The following TSPAN13 variants were observed in gnomAD, a reference collection of about 807,000 sequenced individuals.
The protein encoded by TSPAN13 is tetraspanin-13.
In TSPAN13, 18 loss-of-function variants were observed where a neutral mutation model predicts 26.9. The ratio of observed to expected loss-of-function variants is 0.67; its 90% CI spans 0.46 to 0.99. The LOEUF is 0.99. Ranked by LOEUF, TSPAN13 falls within the 50% of genes least tolerant of loss-of-function variation. The pLI, the probability that TSPAN13 is intolerant of heterozygous loss-of-function variation, is 0.00. For missense variants in TSPAN13, 201 were observed against 249.6 expected, an observed-to-expected ratio of 0.81 and a Z score of 1.31; for synonymous variants, 116 against 98.4, an observed-to-expected ratio of 1.18 and a Z score of -1.06.
At chr7:16,776,132 A>T in intron 1 of TSPAN13, 79 bp from the exon 2 acceptor site, 1 of 1,428,894 alleles carries the variant, frequency 7.0e-7, no homozygotes, top group Admixed American at 2.0e-5. Flanking sequence ...GATATTGTTG[A>T]TATTTAATTA....
chr7:16,777,971 G>T, intron 4 of TSPAN13, 60 bp downstream of exon 4: 1 of 1,253,748 alleles, frequency 8.0e-7, no homozygotes, highest in African/African-American at 1.5e-5. Flanking sequence ...AATGATTAAT[G>T]TGGAAGAAAT....
intron 1 of TSPAN13, among the ~76,000 whole-genome samples, chr7:16,756,799 C>T (rs1784485156): frequency 6.6e-6 from 1 of 152,136 alleles, no homozygotes; most frequent in African/African-American, 2.4e-5. Flanking sequence ...CTCAGAGCTT[C>T]CTGCATTTAA....
chr7:16,776,985 C>A, intron 2 of TSPAN13, 57 bp from the exon 3 acceptor site: 1 of 1,242,480 alleles, frequency 8.0e-7, no homozygotes, highest in Non-Finnish European at 1.2e-6. Flanking sequence ...ACCTCTGTAC[C>A]TCTGTTTTAT....
intron 1 of TSPAN13, among the ~76,000 whole-genome samples, chr7:16,754,355 CG>C (rs1784458092): frequency 6.6e-6 from 1 of 152,248 alleles, no homozygotes; most frequent in Non-Finnish European, 1.5e-5. Context: ...TTTCCCACCC[CG>C]TACCCTTCTG....
At chr7:16,760,667 A>G (rs1023494856) in intron 1 of TSPAN13, among the ~76,000 whole-genome samples, 1 of 152,146 alleles carries the variant, frequency 6.6e-6, no homozygotes, top group African/African-American at 2.4e-5. Context: ...CATTTCAAAC[A>G]TTAAGAGATT....
At chr7:16,754,209 T>C (rs1348260674) in intron 1 of TSPAN13, among the ~76,000 whole-genome samples, 179 bp downstream of exon 1, 2 of 152,176 alleles carry the variant, frequency 1.3e-5, no homozygotes, top group Non-Finnish European at 2.9e-5. Flanking sequence ...GCGCCGGCGC[T>C]TGTCGCAGTC....
rs1454939444 is a variant in TSPAN13, at chr7:16,777,911, T to C, written c.426T>C (p.Ala142=). Residue 142 remains alanine (A), a splice_region_variant and synonymous_variant, in exon 4 of 6, where the codon GCT becomes GCC. Transcript: ENST00000262067. ...RSVNPNDTCL[A]SCVKSDHSCS... ...TTAACCCAAATGACACCTGTCTGGC[T>C]GTAAGTACATTGTATAATATATGTT... 5 of 1,606,644 alleles carry C rather than the reference T, an allele frequency of 3.1e-6. No homozygotes were observed. The highest frequency in any genetic ancestry group is 4.3e-6 in the Non-Finnish European group (5 of 1,174,046).
rs765395796 is a variant in TSPAN13 at position 16,783,467 on chromosome 7, C to T, written c.591C>T (p.Arg197=). ...TYRYRNQKDP[R]ANPSAFL ...GATACAGGAACCAGAAAGACCCCCGCGCGAATCCTAGTGCATTCCTTTGAT... is the reference window on the plus strand; with the variant it reads ...GATACAGGAACCAGAAAGACCCCCGTGCGAATCCTAGTGCATTCCTTTGAT... Residue 197 remains arginine, a synonymous_variant, in exon 6 of 6, where the codon CGC becomes CGT. Transcript: ENST00000262067. The T allele has an allele frequency of 5.6e-6, 9 of 1,613,638 alleles. No individual in the cohort carries two copies. The highest frequency in any genetic ancestry group is 7.6e-6 in the Non-Finnish European group (9 of 1,179,812).
At chr7:16,780,423 C>T (rs1784802236) in intron 5 of TSPAN13, among the ~76,000 whole-genome samples, 1 of 152,066 alleles carries the variant, frequency 6.6e-6, no homozygotes, top group Non-Finnish European at 1.5e-5. Context: ...TTTAAAGTTC[C>T]TTCTGACTTC....
intron 1 of TSPAN13, among the ~76,000 whole-genome samples, chr7:16,758,143 C>T (rs1219159037): frequency 6.6e-6 from 1 of 152,006 alleles, no homozygotes; most frequent in Non-Finnish European, 1.5e-5. Flanking sequence ...ATAAAATGCT[C>T]CCGGCCTGGG....
intron 1 of TSPAN13, among the ~76,000 whole-genome samples, chr7:16,754,580 C>T (rs566528913): frequency 6.6e-6 from 1 of 152,212 alleles, no homozygotes; most frequent in South Asian, 2.1e-4. Flanking sequence ...AAGTTTGTTT[C>T]GTGCTCACAG....
At chr7:16,760,580 T>C (rs6963096) in intron 1 of TSPAN13, among the ~76,000 whole-genome samples, 67,040 of 151,588 alleles carry the variant, frequency 0.44, 15,361 homozygotes, top group African/African-American at 0.53. Context: ...ACCACACTGT[T>C]ATTCAGGGGA....
At chr7:16,780,565 CTTT>C (rs1042162278) in intron 5 of TSPAN13, among the ~76,000 whole-genome samples, 1 of 152,132 alleles carries the variant, frequency 6.6e-6, no homozygotes, top group African/African-American at 2.4e-5. Flanking sequence ...TTTCTCTCTT[CTTT>C]TGTTTAAAAA....
At chr7:16,777,656 T>C (rs1784769049) in intron 3 of TSPAN13, 142 bp from the exon 4 acceptor site, 1 of 512,098 alleles carries the variant, frequency 2.0e-6, no homozygotes. Flanking sequence ...TGCTGCAAAC[T>C]GAGGAATAAG....
chr7:16,754,279 A>G (rs1784456556), intron 1 of TSPAN13, among the ~76,000 whole-genome samples: 2 of 152,050 alleles, frequency 1.3e-5, no homozygotes, highest in Admixed American at 6.5e-5. Context: ...CGTCTCTGCC[A>G]CATTGCTCCA....
At chr7:16,761,299 G>C (rs968536016) in intron 1 of TSPAN13, among the ~76,000 whole-genome samples, 1 of 152,190 alleles carries the variant, frequency 6.6e-6, no homozygotes, top group Non-Finnish European at 1.5e-5. Flanking sequence ...TGAGGTTTTA[G>C]CTTCAACACT....
chr7:16,780,787 T>A (rs1220098761), intron 5 of TSPAN13, among the ~76,000 whole-genome samples: 1 of 152,216 alleles, frequency 6.6e-6, no homozygotes, highest in Admixed American at 6.5e-5. Flanking sequence ...TGCTATTTTT[T>A]AAGTAGGAGT....
At position 16,783,503 on chromosome 7, in the gene TSPAN13, G is replaced by A; in HGVS notation, c.*12G>A. 1 of 1,610,734 alleles carries A rather than the reference G, an allele frequency of 6.2e-7. No homozygotes were observed. The highest frequency in any genetic ancestry group is 8.5e-7 in the Non-Finnish European group (1 of 1,177,176). ...GTGCATTCCTTTGATGAGAAAACAA[G>A]GAAGATTTCCTTTCGTATTATGATC... On this transcript the variant is annotated 3_prime_UTR_variant, in exon 6 of 6. Coordinates refer to ENST00000262067, the MANE Select transcript of TSPAN13 (RefSeq NM_014399.4).
intron 1 of TSPAN13, among the ~76,000 whole-genome samples, chr7:16,760,737 G>A (rs1014849095): frequency 5.3e-5 from 8 of 152,160 alleles, no homozygotes; most frequent in African/African-American, 1.4e-4. Context: ...CAGGTAGGAG[G>A]AAAATTGCAG....
Sources: gnomAD v4.1 joint callset for allele counts (sites outside exome capture counted in the v4.1 genomes callset) on GRCh38, gnomAD v4.1.1 for gene constraint, MANE v1.5 for transcripts, NCBI Gene and HGNC (gene_info 2026-07-23, HGNC 2026-07-21) for gene names.